SYN3: variants seen among roughly 807,000 people sequenced by gnomAD.
SYN3 encodes synapsin III.
In SYN3, 35 loss-of-function variants were observed where a neutral mutation model predicts 65.8. That is an observed-to-expected ratio of 0.53 (90% CI 0.41 to 0.70). The LOEUF (loss-of-function observed/expected upper bound fraction) is 0.70, where lower values mean the gene tolerates loss of function less well. SYN3 is among the 30% of genes least tolerant of loss of function. SYN3 has a pLI of 0.00. For missense variants in SYN3, 680 were observed against 749.0 expected (o/e 0.91, Z 1.08); for synonymous variants, 270 against 292.9 (o/e 0.92, Z 0.80).
At chr22:32,804,089 C>A (rs2046661289) in intron 6 of SYN3, among the ~76,000 whole-genome samples, 1 of 152,160 alleles carries the variant, frequency 6.6e-6, no homozygotes, top group African/African-American at 2.4e-5. Context: ...TCATAAATTT[C>A]TCAGAGAAAA....
At chr22:32,939,762 A>T (rs2050884085) in intron 3 of SYN3, among the ~76,000 whole-genome samples, 1 of 152,176 alleles carries the variant, frequency 6.6e-6, no homozygotes, top group Non-Finnish European at 1.5e-5. Flanking sequence ...TGCTGATGGT[A>T]GACACTTTAA....
chr22:32,821,241 C>A (rs1447391979), intron 6 of SYN3, among the ~76,000 whole-genome samples: 4 of 152,112 alleles, frequency 2.6e-5, no homozygotes, highest in Non-Finnish European at 5.9e-5. Flanking sequence ...TTCCCAATTG[C>A]AAAATGGGAA....
At chr22:32,581,778 T>TC (rs2058947006) in intron 7 of SYN3, among the ~76,000 whole-genome samples, 1 of 116,354 alleles carries the variant, frequency 8.6e-6, no homozygotes, top group Non-Finnish European at 1.7e-5. Context: ...TTCTTTTCTT[T>TC]TCTTTCTTTC....
chr22:33,008,745 C>T (rs184663100), intron 1 of SYN3, among the ~76,000 whole-genome samples: 32 of 151,612 alleles, frequency 2.1e-4, no homozygotes, highest in Admixed American at 1.4e-3. Context: ...AAAACTCTCT[C>T]TCTACTAAAA....
chr22:32,952,685 T>C (rs2051327659), intron 3 of SYN3, among the ~76,000 whole-genome samples: 1 of 152,032 alleles, frequency 6.6e-6, no homozygotes, highest in South Asian at 2.1e-4. Context: ...AGCCCACGAG[T>C]TCAAGGCTGC....
intron 6 of SYN3, among the ~76,000 whole-genome samples, chr22:32,626,693 T>A (rs1350804919): frequency 1.3e-5 from 2 of 152,116 alleles, no homozygotes; most frequent in African/African-American, 2.4e-5. Flanking sequence ...ATCACAGAAT[T>A]TCTGATGTGG....
rs1327707666 is a variant in SYN3 at position 32,869,053 on chromosome 22, G to A, written c.534C>T (p.Arg178=). Reference sequence around the variant, plus strand: ...CATACTGCAGGCCGATGACCAGGCTGCGGTAGTCTTCCCCCAGGGCCATGC... The same window carrying A: ...CATACTGCAGGCCGATGACCAGGCTACGGTAGTCTTCCCCCAGGGCCATGC... ...AYSMALGEDY[R]SLVIGLQYGG... The change falls in exon 5 of 14, where the codon CGC becomes CGT. Residue 178 remains arginine, a synonymous_variant. Transcript: ENST00000358763. The A allele has an allele frequency of 6.2e-7, 1 of 1,614,044 alleles. No homozygotes were observed.
chr22:32,897,126 C>T (rs908378124), intron 4 of SYN3, among the ~76,000 whole-genome samples: 3 of 152,166 alleles, frequency 2.0e-5, no homozygotes, highest in Non-Finnish European at 4.4e-5. Flanking sequence ...GCTCCTGACT[C>T]CACCCCAGCC....
intron 6 of SYN3, among the ~76,000 whole-genome samples, chr22:32,755,487 C>T (rs2045261826): frequency 6.6e-6 from 1 of 152,186 alleles, no homozygotes; most frequent in Non-Finnish European, 1.5e-5. Flanking sequence ...AGAAGTTTTG[C>T]CTGGTTCCAA....
At chr22:32,654,091 G>A (rs981293199) in intron 6 of SYN3, among the ~76,000 whole-genome samples, 1 of 152,216 alleles carries the variant, frequency 6.6e-6, no homozygotes, top group African/African-American at 2.4e-5. Flanking sequence ...GGTGCCCAAG[G>A]TGTCTCCAGC....
At chr22:32,796,394 C>T (rs777349239) in intron 6 of SYN3, among the ~76,000 whole-genome samples, 157 of 152,202 alleles carry the variant, frequency 1.0e-3, no homozygotes, top group Middle Eastern at 3.4e-3. Flanking sequence ...AGGATTCATG[C>T]GAATGTAGCC....
chr22:32,980,365 C>G (rs891782846), intron 3 of SYN3, among the ~76,000 whole-genome samples: 6 of 152,168 alleles, frequency 3.9e-5, no homozygotes, highest in African/African-American at 1.4e-4. Context: ...CTCCACCTGC[C>G]CATTTCCATC....
chr22:32,516,308 GAA>G (rs1010231652), intron 13 of SYN3, among the ~76,000 whole-genome samples: 1 of 152,128 alleles, frequency 6.6e-6, no homozygotes, highest in African/African-American at 2.4e-5. Flanking sequence ...CGTTGGATGA[GAA>G]TGGGGCGGGA....
chr22:32,909,943 G>A (rs531886776), intron 4 of SYN3, among the ~76,000 whole-genome samples: 9 of 152,222 alleles, frequency 5.9e-5, no homozygotes, highest in African/African-American at 2.2e-4. Flanking sequence ...CGGTGTGCTC[G>A]GAGACTGCGA....
intron 6 of SYN3, among the ~76,000 whole-genome samples, chr22:32,622,141 T>C (rs977001767): frequency 2.0e-5 from 3 of 151,854 alleles, no homozygotes; most frequent in African/African-American, 4.8e-5. Flanking sequence ...GCTTCGTAAA[T>C]AGCTTTCGAA....
intron 3 of SYN3, among the ~76,000 whole-genome samples, chr22:32,954,942 C>CTTTT (rs770971735): frequency 0.01 from 1,209 of 118,784 alleles, 15 homozygotes; most frequent in African/African-American, 0.034. Flanking sequence ...TTTTCCTTTT[C>CTTTT]TTTTTTTTTT....
rs1439454253 is a variant in SYN3 at position 32,512,401 on chromosome 22, A to G, written c.*1291T>C. Among the ~76,000 whole-genome samples, 1 of 152,156 alleles carries G rather than the reference A, an allele frequency of 6.6e-6. No individual in the cohort carries two copies. The highest frequency in any genetic ancestry group is 1.5e-5 in the Non-Finnish European group (1 of 68,024). ...CAGGAGGCTGCTTCTGGCACCTACA[A>G]TGTTTCCAGCACCAGGTGCTTGGTG... On this transcript the variant is annotated 3_prime_UTR_variant, in exon 14 of 14. Transcript: ENST00000358763.
intron 2 of SYN3, among the ~76,000 whole-genome samples, chr22:32,981,378 G>A (rs1012542198): frequency 6.6e-6 from 1 of 151,550 alleles, no homozygotes; most frequent in Non-Finnish European, 1.5e-5. Context: ...CTGAGGTGAG[G>A]AGTTCGAGAC....
At chr22:32,766,868 GC>G (rs2045640377) in intron 6 of SYN3, among the ~76,000 whole-genome samples, 1 of 152,196 alleles carries the variant, frequency 6.6e-6, no homozygotes, top group Non-Finnish European at 1.5e-5. Flanking sequence ...CACTGACTGG[GC>G]AACACTCCAG....
Sources: allele counts gnomAD v4.1 joint callset (sites outside exome capture counted in the v4.1 genomes callset), GRCh38; gene constraint gnomAD v4.1.1; transcripts MANE v1.5; gene names NCBI Gene and HGNC (gene_info 2026-07-23, HGNC 2026-07-21).